SLC30A3: variants seen among roughly 807,000 people sequenced by gnomAD.
SLC30A3 encodes the protein probable proton-coupled zinc antiporter SLC30A3.
SLC30A3 carries 20 observed loss-of-function variants against 35.6 expected under a neutral mutation model. That is an observed-to-expected ratio of 0.56 (90% confidence interval 0.39 to 0.82). The LOEUF (loss-of-function observed/expected upper bound fraction) is 0.82, where lower values mean the gene tolerates loss of function less well. SLC30A3 is among the 40% of genes least tolerant of loss of function. SLC30A3 has a pLI of 0.00. For missense variants in SLC30A3, 401 were observed against 530.6 expected (o/e 0.76, Z 2.40); for synonymous variants, 217 against 224.7 (o/e 0.97, Z 0.31).
At chr2:27,259,015 G>C in intron 1 of SLC30A3, 81 bp from the exon 2 acceptor site, 1 of 1,163,208 alleles carries the variant, frequency 8.6e-7, no homozygotes, top group Non-Finnish European at 1.2e-6. Flanking sequence ...CCCAGTGCTG[G>C]CCTCATCAGA....
intron 1 of SLC30A3, among the ~76,000 whole-genome samples, chr2:27,259,643 G>A (rs184539937): frequency 1.7e-3 from 263 of 152,272 alleles, no homozygotes; most frequent in African/African-American, 6.0e-3. Flanking sequence ...GTGAGCCACC[G>A]CACCCGGCTC....
In SLC30A3 at chr2:27,255,493, C is replaced by T; in HGVS notation, c.1019-33G>A. The T allele has an allele frequency of 6.2e-7, 1 of 1,606,224 alleles. No individual in the cohort carries two copies. The highest frequency in any genetic ancestry group is 8.5e-7 in the Non-Finnish European group (1 of 1,177,094). Reference sequence around the variant, plus strand: ...AGAGTGATAAGAGGCGGCATCCATCCCGGGGGAGAAAGAACAGGCAGGGAC... The same window carrying T: ...AGAGTGATAAGAGGCGGCATCCATCTCGGGGGAGAAAGAACAGGCAGGGAC... On this transcript the variant is annotated intron_variant, in intron 7 of 7. Transcript: ENST00000233535. The surrounding 1 kb of genome is among the most constrained non-coding windows in gnomAD (Gnocchi z 5.2).
intron 1 of SLC30A3, among the ~76,000 whole-genome samples, chr2:27,270,733 C>A (rs1677695838): frequency 6.6e-6 from 1 of 152,154 alleles, no homozygotes; most frequent in African/African-American, 2.4e-5. Flanking sequence ...TCAGAGAGGA[C>A]AGGGACATGA....
In SLC30A3 at chr2:27,269,807, G is replaced by A. The variant is rs564142532; in HGVS notation, c.-159+5370C>T. Among the ~76,000 whole-genome samples, 5 of 152,084 alleles carry A rather than the reference G, an allele frequency of 3.3e-5. No individual in the cohort carries two copies. The East Asian group carries it at 7.7e-4, about 24-fold the overall frequency. On this transcript the variant is annotated intron_variant, in intron 1 of 5. Coordinates refer to the SLC30A3 transcript ENST00000424577. Reference sequence around the variant, plus strand: ...CGGGAGGCAGAGGTTGCAGTGAGCCGAGACCATGCCACTCTACTCCAGCCT... The same window carrying A: ...CGGGAGGCAGAGGTTGCAGTGAGCCAAGACCATGCCACTCTACTCCAGCCT...
chr2:27,268,247 A>G (rs568495341), intron 1 of SLC30A3, among the ~76,000 whole-genome samples: 2 of 152,206 alleles, frequency 1.3e-5, no homozygotes, highest in Non-Finnish European at 2.9e-5. Flanking sequence ...CTCCCATATT[A>G]GGCTCTAATC....
upstream of SLC30A3, chr2:27,263,191 C>G: frequency 3.7e-6 from 4 of 1,078,442 alleles, no homozygotes; most frequent in Non-Finnish European, 4.9e-6. Context: ...CCCATTTCCC[C>G]GCGCCAGAGC....
Position 27,262,320 on chromosome 2 carries a change from C to T in SLC30A3, c.95+492G>A, listed in dbSNP as rs1252539755. 1.3e-5 allele frequency among the ~76,000 whole-genome samples: 2 copies of T among 151,830 alleles called. No individual in the cohort carries two copies. The highest frequency in any genetic ancestry group is 2.9e-5 in the Non-Finnish European group (2 of 67,922). On this transcript the variant is annotated intron_variant, in intron 1 of 7. Transcript: ENST00000233535. The surrounding 1 kb of genome is among the most constrained non-coding windows in gnomAD (Gnocchi z 7.5). ...CCCCCAGGGGCCCGCAAGACCCGCGCGGAGCCCGGCCCATCCTCGGGCCCC... is the reference window on the plus strand; with the variant it reads ...CCCCCAGGGGCCCGCAAGACCCGCGTGGAGCCCGGCCCATCCTCGGGCCCC...
intron 1 of SLC30A3, among the ~76,000 whole-genome samples, chr2:27,270,121 C>A (rs1019200354): frequency 6.6e-6 from 1 of 152,126 alleles, no homozygotes; most frequent in African/African-American, 2.4e-5. Flanking sequence ...ATCTGTTATT[C>A]CTTTTGCATT....
upstream of SLC30A3, among the ~76,000 whole-genome samples, chr2:27,264,975 C>A (rs945939970): frequency 2.0e-5 from 3 of 152,144 alleles, no homozygotes; most frequent in Non-Finnish European, 4.4e-5. This position sits in a 1 kb window ranked among gnomAD's most constrained non-coding sequence, Gnocchi z 6.1. Flanking sequence ...AGCTGGGATG[C>A]GCAGCGGCCA....
At chr2:27,274,060 C>T (rs970906837) in intron 1 of SLC30A3, among the ~76,000 whole-genome samples, 6 of 152,262 alleles carry the variant, frequency 3.9e-5, no homozygotes, top group Admixed American at 6.5e-5. Context: ...CAATGGCTCA[C>T]GCCTGTAATC....
rs1242017742 is a variant in SLC30A3, at chr2:27,253,734, T to C, written c.*1578A>G. 5.9e-5 allele frequency: 9 copies of C among 151,858 alleles called. No homozygotes were observed. The highest frequency in any genetic ancestry group is 5.9e-4 in the Admixed American group (9 of 15,214). The allele number at this position is 151,858 out of a possible 1,614,324, so 9.4% of individuals were successfully genotyped here. On this transcript the variant is annotated 3_prime_UTR_variant, in exon 8 of 8. Transcript: ENST00000233535. ...AGGCTGAAGTGCAGTGGCATGATCA[T>C]GGCTGACTGCTGCCTTGACCTCCTG...
Position 27,257,050 on chromosome 2 carries a change from G to T in SLC30A3, c.777+104C>A. 1 of 1,226,076 alleles carries T rather than the reference G, an allele frequency of 8.2e-7. No individual in the cohort carries two copies. Among genetic ancestry groups the T allele is most frequent in the Non-Finnish European group, 1.2e-6 (1 of 833,140 alleles). 75.9% of individuals were successfully genotyped at this position (1,226,076 alleles called of 1,614,324 possible). A position where few individuals can be genotyped will look rare whatever the true frequency, so the allele number is the denominator to read the frequency against. On this transcript the variant is annotated intron_variant, in intron 5 of 7. Transcript: ENST00000233535. This position sits in a 1 kb window ranked among gnomAD's most constrained non-coding sequence, Gnocchi z 4.7. ...CTGGGAGAGTCCTGGGAGGTGGGAG[G>T]GAGGAGCTGGAGGGAGGAGGAAGGA...
In SLC30A3 at chr2:27,258,599, C is replaced by T; in HGVS notation, c.277+154G>A. 1.2e-6 allele frequency: 1 copy of T among 825,348 alleles called. No individual in the cohort carries two copies. Among genetic ancestry groups the T allele is most frequent in the South Asian group, 1.7e-5 (1 of 59,836 alleles). The allele number at this position is 825,348 out of a possible 1,614,324, so 51.1% of individuals were successfully genotyped here. ...AATTCCCTTTGTTGCTGTCCCTTAT[C>T]CCTCCTACTTCCTGAGTCCTGGGCA... On this transcript the variant is annotated intron_variant, in intron 2 of 7. Coordinates refer to ENST00000233535, the MANE Select transcript of SLC30A3 (RefSeq NM_003459.5). This position sits in a 1 kb window ranked among gnomAD's most constrained non-coding sequence, Gnocchi z 4.0.
Position 27,258,726 on chromosome 2 carries a change from G to A in SLC30A3, c.277+27C>T, listed in dbSNP as rs753616606. On this transcript the variant is annotated intron_variant, in intron 2 of 7. Coordinates refer to ENST00000233535, the MANE Select transcript of SLC30A3 (RefSeq NM_003459.5). This position sits in a 1 kb window ranked among gnomAD's most constrained non-coding sequence, Gnocchi z 4.0. Reference sequence around the variant, plus strand: ...GGCTTGGGCAGGTATTTGGAGAATGGGGTTTAAGGGCTGCTCCCCAACTTA... The same window carrying A: ...GGCTTGGGCAGGTATTTGGAGAATGAGGTTTAAGGGCTGCTCCCCAACTTA... The A allele has an allele frequency of 1.9e-6, 3 of 1,612,636 alleles. No individual in the cohort carries two copies. The highest frequency in any genetic ancestry group is 2.2e-5 in the South Asian group (2 of 91,034).
Position 27,255,484 on chromosome 2 carries a change from G to A in SLC30A3, c.1019-24C>T. The A allele has an allele frequency of 1.2e-6, 2 of 1,609,378 alleles. No individual in the cohort carries two copies. Among genetic ancestry groups the A allele is most frequent in the Non-Finnish European group, 1.7e-6 (2 of 1,178,316 alleles). ...GTCTGTGGGAGAGTGATAAGAGGCG[G>A]CATCCATCCCGGGGGAGAAAGAACA... On this transcript the variant is annotated intron_variant, in intron 7 of 7. Transcript: ENST00000233535. This position sits in a 1 kb window ranked among gnomAD's most constrained non-coding sequence, Gnocchi z 5.2.
Position 27,258,829 on chromosome 2 carries a change from A to G in SLC30A3, c.201T>C (p.Pro67=). Residue 67 remains proline (P), a synonymous_variant, in exon 2 of 8, where the codon CCT becomes CCC. Coordinates refer to ENST00000233535, the MANE Select transcript of SLC30A3 (RefSeq NM_003459.5). This position sits in a 1 kb window ranked among gnomAD's most constrained non-coding sequence, Gnocchi z 4.0. ...RDPLPPPGLT[P]ERLHARRQLY... ...GCTGCCTCCGTGCATGCAGCCTCTC[A>G]GGGGTAAGGCCCGGCGGCGGAAGGG... 6.2e-7 allele frequency: 1 copy of G among 1,614,146 alleles called. No homozygotes were observed. The highest frequency in any genetic ancestry group is 8.5e-7 in the Non-Finnish European group (1 of 1,179,956).
chr2:27,272,178 C>T (rs1010236096), intron 1 of SLC30A3, among the ~76,000 whole-genome samples: 4 of 152,114 alleles, frequency 2.6e-5, no homozygotes, highest in African/African-American at 4.8e-5. Flanking sequence ...AAATAAGAAA[C>T]GGGGAGTTCA....
Position 27,261,267 on chromosome 2 carries a change from G to A in SLC30A3, c.95+1545C>T, listed in dbSNP as rs1029918976. Among the ~76,000 whole-genome samples the A allele has an allele frequency of 2.0e-5, 3 of 152,186 alleles. No homozygotes were observed. The South Asian group carries it at 6.2e-4, about 31-fold the overall frequency. On this transcript the variant is annotated intron_variant, in intron 1 of 7. Transcript: ENST00000233535. Reference sequence around the variant, plus strand: ...CTTGAACAAATATCTCCTGAGCACTGAGATGACCTTGCTGATGGGAGGAAG... The same window carrying A: ...CTTGAACAAATATCTCCTGAGCACTAAGATGACCTTGCTGATGGGAGGAAG...
chr2:27,264,099 G>A, upstream of SLC30A3: 1 of 1,278,790 alleles, frequency 7.8e-7, no homozygotes, highest in South Asian at 1.2e-5. This position sits in a 1 kb window ranked among gnomAD's most constrained non-coding sequence, Gnocchi z 6.1. Context: ...AATGGGAGGG[G>A]GTGGGAAGAG....
Sources: gnomAD v4.1 joint callset for allele counts (sites outside exome capture counted in the v4.1 genomes callset) on GRCh38, gnomAD v4.1.1 for gene constraint, Gnocchi (gnomAD v3.1) non-coding constraint, MANE v1.5 for transcripts, NCBI Gene and HGNC (gene_info 2026-07-23, HGNC 2026-07-21) for gene names.